Variants in CDK14 observed in about 807,000 individuals in gnomAD.
CDK14 encodes the protein cyclin-dependent kinase 14.
CDK14 carries 34 observed loss-of-function variants against 60.7 expected under a neutral mutation model. The observed-to-expected ratio is 0.56, with a 90% CI of 0.43 to 0.75. The LOEUF is 0.75. Ranked by LOEUF, CDK14 falls within the 30% of genes least tolerant of loss-of-function variation. The pLI is 0.00. For missense variants in CDK14, 482 were observed against 564.1 expected (o/e 0.85, Z 1.47); for synonymous variants, 197 against 203.7 (o/e 0.97, Z 0.28).
chr7:90,742,813 AT>A (rs1447223693), intron 3 of CDK14, among the ~76,000 whole-genome samples: 1 of 151,830 alleles, frequency 6.6e-6, no homozygotes, highest in Non-Finnish European at 1.5e-5. Flanking sequence ...TTCAGCTTTA[AT>A]TTTTTTATTA....
At chr7:91,030,820 C>CCCTCCCAG (rs1333008867) in intron 10 of CDK14, among the ~76,000 whole-genome samples, 4 of 152,344 alleles carry the variant, frequency 2.6e-5, no homozygotes, top group Admixed American at 2.6e-4. Context: ...CTCAGAGTCT[C>CCCTCCCAG]CCTCCCAGTA....
At chr7:91,060,957 A>G (rs1355930160) in intron 11 of CDK14, among the ~76,000 whole-genome samples, 1 of 152,120 alleles carries the variant, frequency 6.6e-6, no homozygotes, top group Non-Finnish European at 1.5e-5. Context: ...GCCTTGCTAG[A>G]TTGGGGAAGT....
chr7:90,945,107 C>A (rs1794062295), intron 8 of CDK14, among the ~76,000 whole-genome samples: 1 of 152,128 alleles, frequency 6.6e-6, no homozygotes. Context: ...TGGGAAGAAA[C>A]AAGGTAGTCA....
rs567456156 is a variant in CDK14, at chr7:90,709,403, C to T, written c.124-17164C>T. ...TGAATTGAGCATGATGAGGTGCATC[C>T]CCTTGATTAAATGTTTTTCCTCCTA... On this transcript the variant is annotated intron_variant, in intron 2 of 14. Coordinates refer to ENST00000380050, the MANE Select transcript of CDK14 (RefSeq NM_001287135.2). 8 of 1,402,332 alleles carry T rather than the reference C, an allele frequency of 5.7e-6. No homozygotes were observed. The African/African-American group carries it at 1.2e-4, about 21-fold the overall frequency. 86.9% of individuals were successfully genotyped at this position (1,402,332 alleles called of 1,614,324 possible).
intron 12 of CDK14, among the ~76,000 whole-genome samples, chr7:91,103,524 C>T: frequency 6.6e-6 from 1 of 152,096 alleles, no homozygotes; most frequent in East Asian, 1.9e-4. Context: ...CTGTTTGTTC[C>T]TTTCATTGGT....
At chr7:91,083,999 C>G (rs1798557217) in intron 12 of CDK14, among the ~76,000 whole-genome samples, 1 of 152,308 alleles carries the variant, frequency 6.6e-6, no homozygotes, top group African/African-American at 2.4e-5. Context: ...AACAGTTAGC[C>G]TTTTGCAATG....
chr7:90,825,888 G>T (rs1490343903), intron 5 of CDK14, among the ~76,000 whole-genome samples: 1 of 152,178 alleles, frequency 6.6e-6, no homozygotes, highest in African/African-American at 2.4e-5. Context: ...ACCACACAGT[G>T]TAGTGTGGTA....
chr7:91,205,020 G>A lies in CDK14; in HGVS notation c.*29-2145G>A, dbSNP rs564145938. On this transcript the variant is annotated intron_variant, in intron 14 of 14. Transcript: ENST00000380050. The stretch of plus-strand genomic sequence containing the variant: ...GTGCAAATCAGTTCATACCCACTAG[G>A]ATGGCTATAATTTTTTTTAAACAAA... 2.9e-4 allele frequency among the ~76,000 whole-genome samples: 44 copies of A among 152,086 alleles called. No homozygotes were observed. In the South Asian group the frequency reaches 3.1e-3, roughly 11 times the overall value.
At chr7:91,061,895 C>T (rs908844962) in intron 11 of CDK14, among the ~76,000 whole-genome samples, 2 of 152,182 alleles carry the variant, frequency 1.3e-5, no homozygotes, top group Non-Finnish European at 2.9e-5. Context: ...TCTCAAGCTG[C>T]AGGCTGAGAG....
At chr7:90,695,514 T>C (rs1006541885) in intron 2 of CDK14, among the ~76,000 whole-genome samples, 1 of 152,076 alleles carries the variant, frequency 6.6e-6, no homozygotes, top group South Asian at 2.1e-4. Context: ...TTGAGCAAAA[T>C]AGACAAATCT....
chr7:90,784,718 TA>T (rs1490573914), intron 4 of CDK14, among the ~76,000 whole-genome samples: 1 of 152,222 alleles, frequency 6.6e-6, no homozygotes, highest in Non-Finnish European at 1.5e-5. Context: ...TTAGCACTTT[TA>T]GGATATTCCT....
At chr7:90,966,392 G>A (rs1562848910) in intron 9 of CDK14, among the ~76,000 whole-genome samples, 1 of 152,246 alleles carries the variant, frequency 6.6e-6, no homozygotes, top group South Asian at 2.1e-4. Context: ...TCAGTTCATT[G>A]TATATTGTTC....
At chr7:90,827,897 T>C (rs1789781827) in intron 5 of CDK14, among the ~76,000 whole-genome samples, 1 of 152,240 alleles carries the variant, frequency 6.6e-6, no homozygotes, top group African/African-American at 2.4e-5. Flanking sequence ...AAAATTTGTA[T>C]ATGTAGTTTC....
At chr7:90,935,647 G>GT (rs774899076) in intron 8 of CDK14, among the ~76,000 whole-genome samples, 13 of 151,306 alleles carry the variant, frequency 8.6e-5, no homozygotes, top group Non-Finnish European at 1.6e-4. Context: ...CATGCATTCT[G>GT]TTTTTTTTCA....
chr7:90,980,198 A>T (rs1287432686), intron 9 of CDK14, among the ~76,000 whole-genome samples: 1 of 152,146 alleles, frequency 6.6e-6, no homozygotes, highest in African/African-American at 2.4e-5. Flanking sequence ...GTGTTTATGT[A>T]TTACCTTACT....
chr7:90,838,198 A>T (rs190160705), intron 5 of CDK14, among the ~76,000 whole-genome samples: 1 of 152,162 alleles, frequency 6.6e-6, no homozygotes, highest in Admixed American at 6.5e-5. Flanking sequence ...TTTTACTGCA[A>T]TCTCTGAACA....
intron 10 of CDK14, among the ~76,000 whole-genome samples, chr7:91,017,753 A>G (rs1796337708): frequency 1.3e-5 from 2 of 152,204 alleles, no homozygotes; most frequent in Non-Finnish European, 2.9e-5. Context: ...AAGGGCTAAC[A>G]CCAGTGTGTT....
At chr7:90,788,561 A>G (rs991441410) in intron 4 of CDK14, among the ~76,000 whole-genome samples, 1 of 152,338 alleles carries the variant, frequency 6.6e-6, no homozygotes, top group East Asian at 1.9e-4. Context: ...AGGAGATGGT[A>G]CGTTGTGGAG....
chr7:90,606,359 C>T (rs1466965308), intron 2 of CDK14, among the ~76,000 whole-genome samples: 2 of 152,114 alleles, frequency 1.3e-5, no homozygotes, highest in Admixed American at 6.5e-5. Flanking sequence ...AGTATCTTTC[C>T]TTTAAGGGTT....
Sources: gnomAD v4.1 joint callset for allele counts (sites outside exome capture counted in the v4.1 genomes callset) on GRCh38, gnomAD v4.1.1 for gene constraint, MANE v1.5 for transcripts, NCBI Gene and HGNC (gene_info 2026-07-23, HGNC 2026-07-21) for gene names.